The following NUDC variants were observed in gnomAD, a reference collection of about 807,000 sequenced individuals.
The protein encoded by NUDC is nuclear distribution C, dynein complex regulator, also known as nuclear migration protein nudC.
Under a neutral mutation model 45.0 loss-of-function variants are expected in NUDC, and 14 were observed. That is an observed-to-expected ratio of 0.31 (90% confidence interval 0.21 to 0.49). NUDC has a LOEUF of 0.49. Among genes scored for constraint, NUDC ranks in the 20% least tolerant of loss-of-function variants. NUDC has a pLI of 0.99. For missense variants in NUDC, 323 were observed against 426.2 expected, an observed-to-expected ratio of 0.76 and a Z score of 2.13; for synonymous variants, 153 against 156.7, an observed-to-expected ratio of 0.98 and a Z score of 0.17.
intron 1 of NUDC, 147 bp from the exon 2 acceptor site, chr1:26,923,942 C>G (rs2082110912): frequency 1.4e-6 from 1 of 724,008 alleles, no homozygotes; most frequent in Non-Finnish European, 2.5e-6. Flanking sequence ...AGAGAACCTG[C>G]TGGGGAGATA....
At chr1:26,911,424 G>T (rs536460677) in intron 3 of NUDC, 1 of 344,988 alleles carries the variant, frequency 2.9e-6, no homozygotes, top group East Asian at 7.8e-5. Context: ...TCTGATAGCA[G>T]CAGGGTGGGC....
In NUDC at chr1:26,941,448, C is replaced by A; in HGVS notation, c.160-9C>A. ...CTCTGATGCCTCATGGCCTTTCTTCCCTCTCCAGCTTATCACACAGACTTT... is the reference window on the plus strand; with the variant it reads ...CTCTGATGCCTCATGGCCTTTCTTCACTCTCCAGCTTATCACACAGACTTT... On this transcript the variant is annotated splice_polypyrimidine_tract_variant and intron_variant, in intron 2 of 8. Transcript: ENST00000321265. The A allele has an allele frequency of 6.2e-7, 1 of 1,613,090 alleles. No homozygotes were observed. The highest frequency in any genetic ancestry group is 8.5e-7 in the Non-Finnish European group (1 of 1,179,834).
intron 2 of NUDC, among the ~76,000 whole-genome samples, chr1:26,933,439 G>C (rs2082199780): frequency 6.6e-6 from 1 of 151,796 alleles, no homozygotes; most frequent in African/African-American, 2.4e-5. Context: ...TTTTAAGACA[G>C]TATTACTCTT....
intron 2 of NUDC, among the ~76,000 whole-genome samples, chr1:26,932,085 T>C (rs1442416752): frequency 6.6e-6 from 1 of 151,660 alleles, no homozygotes; most frequent in Non-Finnish European, 1.5e-5. Context: ...TGATCACTAC[T>C]TACCTTGACC....
intron 2 of NUDC, among the ~76,000 whole-genome samples, chr1:26,934,053 T>C (rs1015710808): frequency 6.6e-6 from 1 of 152,114 alleles, no homozygotes; most frequent in Non-Finnish European, 1.5e-5. Flanking sequence ...CTTAGGAGGC[T>C]GAGGCAAGAG....
chr1:26,911,078 G>A, intron 2 of NUDC: 2 of 469,526 alleles, frequency 4.3e-6, no homozygotes, highest in South Asian at 1.6e-5. Context: ...GGGTACCCTT[G>A]TCCCTTCCCT....
intron 3 of NUDC, 25 bp from the exon 4 acceptor site, chr1:26,941,728 C>T: frequency 6.2e-7 from 1 of 1,614,100 alleles, no homozygotes; most frequent in South Asian, 1.1e-5. Flanking sequence ...GGTCCTGTTG[C>T]CAACTGCTGT....
At chr1:26,909,731 G>A (rs1326359728) in intron 2 of NUDC, among the ~76,000 whole-genome samples, 1 of 152,064 alleles carries the variant, frequency 6.6e-6, no homozygotes, top group Admixed American at 6.6e-5. Flanking sequence ...TGTCTACAAG[G>A]TTACACGGGG....
intron 3 of NUDC, among the ~76,000 whole-genome samples, chr1:26,915,782 G>C (rs921225266): frequency 1.3e-5 from 2 of 152,138 alleles, no homozygotes; most frequent in African/African-American, 4.8e-5. Context: ...CCTTTCCTCT[G>C]TGGAGCTGAG....
chr1:26,913,564 G>T, intron 3 of NUDC: 5 of 1,614,138 alleles, frequency 3.1e-6, no homozygotes, highest in Non-Finnish European at 4.2e-6. Context: ...ACTGCTGCTG[G>T]GCTCCTCCAG....
chr1:26,913,821 T>C (rs762370903), intron 3 of NUDC: 4 of 1,512,504 alleles, frequency 2.6e-6, no homozygotes, highest in Non-Finnish European at 3.5e-6. Flanking sequence ...GCTGCCTACA[T>C]AGGCAGCGGC....
upstream of NUDC, among the ~76,000 whole-genome samples, chr1:26,921,360 TG>T (rs1241933316): frequency 6.6e-6 from 1 of 152,164 alleles, no homozygotes; most frequent in African/African-American, 2.4e-5. Flanking sequence ...GGCTGTCCTG[TG>T]GTAAGTCCCT....
intron 8 of NUDC, 90 bp downstream of exon 8, chr1:26,945,776 C>T: frequency 1.1e-6 from 1 of 931,240 alleles, no homozygotes; most frequent in Non-Finnish European, 1.8e-6. Context: ...TGCGCTGCCT[C>T]AGGAGCTGCC....
intron 2 of NUDC, chr1:26,929,804 A>G: frequency 8.9e-6 from 2 of 225,032 alleles, no homozygotes; most frequent in Non-Finnish European, 1.9e-5. Context: ...TGGGTGGATC[A>G]CCTGAGGTCA....
chr1:26,938,589 C>A (rs1471327767), intron 2 of NUDC, among the ~76,000 whole-genome samples: 1 of 152,004 alleles, frequency 6.6e-6, no homozygotes, highest in African/African-American at 2.4e-5. Context: ...TGTGGAGCTA[C>A]TGTGGTGTGG....
At chr1:26,918,565 C>T (rs1318278643), upstream of NUDC, among the ~76,000 whole-genome samples, 2 of 150,460 alleles carry the variant, frequency 1.3e-5, no homozygotes, top group African/African-American at 4.9e-5. Flanking sequence ...TGAGCCACCG[C>T]ACCCAGCTTT....
chr1:26,942,583 C>T (rs1347956295), intron 4 of NUDC, 77 bp from the exon 5 acceptor site: 1 of 1,599,088 alleles, frequency 6.3e-7, no homozygotes, highest in Admixed American at 1.7e-5. Context: ...AGTGCTAGCC[C>T]TGGGCTTGGC....
rs1268378210 is a variant in NUDC, at chr1:26,934,208, T to G, written c.160-7249T>G. On this transcript the variant is annotated intron_variant, in intron 2 of 8. Transcript: ENST00000321265. The stretch of plus-strand genomic sequence containing the variant: ...AGAGTTCTGCATGACCGGGGAGGCC[T>G]CAGGAAACTTAAAATCATGGAAGAA... 9.2e-5 allele frequency among the ~76,000 whole-genome samples: 14 copies of G among 152,278 alleles called. No homozygotes were observed. The South Asian group carries it at 2.9e-3, about 32-fold the overall frequency.
At chr1:26,918,958 A>C (rs1225644262), upstream of NUDC, among the ~76,000 whole-genome samples, 3 of 151,954 alleles carry the variant, frequency 2.0e-5, no homozygotes, top group Non-Finnish European at 4.4e-5. Flanking sequence ...TTGTATTTTT[A>C]GTAGAGATGG....
Sources: gnomAD v4.1 joint callset for allele counts (sites outside exome capture counted in the v4.1 genomes callset) on GRCh38, gnomAD v4.1.1 for gene constraint, MANE v1.5 for transcripts, NCBI Gene and HGNC (gene_info 2026-07-23, HGNC 2026-07-21) for gene names.